Variants in LHFPL3 observed in about 807,000 individuals in gnomAD.
LHFPL3 encodes LHFPL tetraspan subfamily member 3, also known as LHFPL tetraspan subfamily member 3 protein.
Under a neutral mutation model 19.3 loss-of-function variants are expected in LHFPL3, and 5 were observed. The observed-to-expected ratio is 0.26, with a 90% confidence interval of 0.14 to 0.54. The LOEUF is 0.54. LHFPL3 is among the 20% of genes least tolerant of loss of function. The pLI is 0.94. For synonymous variants in LHFPL3, 133 were observed against 126.2 expected (o/e 1.05, Z -0.36); for missense variants, 249 against 307.4 (o/e 0.81, Z 1.42).
chr7:104,710,602 A>C (rs753546501), intron 1 of LHFPL3, among the ~76,000 whole-genome samples: 1 of 152,188 alleles, frequency 6.6e-6, no homozygotes, highest in African/African-American at 2.4e-5. Flanking sequence ...CACCTCAGTT[A>C]CCACCCGTGA....
At chr7:104,435,560 ATT>A (rs35738483) in intron 1 of LHFPL3, among the ~76,000 whole-genome samples, 55 of 143,926 alleles carry the variant, frequency 3.8e-4, no homozygotes, top group South Asian at 8.7e-4. Context: ...TTCTTTCTAG[ATT>A]TTTTTTTTTT....
At chr7:104,361,200 C>T (rs1790385332) in intron 1 of LHFPL3, among the ~76,000 whole-genome samples, 2 of 152,294 alleles carry the variant, frequency 1.3e-5, no homozygotes, top group African/African-American at 2.4e-5. Flanking sequence ...TTGCGGAAAA[C>T]GCTTGCCAAC....
intron 1 of LHFPL3, among the ~76,000 whole-genome samples, chr7:104,448,167 T>C (rs928126876): frequency 1.3e-5 from 2 of 152,184 alleles, no homozygotes; most frequent in Non-Finnish European, 2.9e-5. Flanking sequence ...CAATAGTTAA[T>C]TGGAAGCACA....
chr7:104,380,520 G>A (rs576449645), intron 1 of LHFPL3, among the ~76,000 whole-genome samples: 4 of 152,078 alleles, frequency 2.6e-5, no homozygotes, highest in African/African-American at 9.7e-5. Flanking sequence ...CACCACATCT[G>A]AATACAAATT....
At chr7:104,607,902 A>G (rs187815005) in intron 1 of LHFPL3, among the ~76,000 whole-genome samples, 101 of 152,374 alleles carry the variant, frequency 6.6e-4, no homozygotes, top group Non-Finnish European at 1.3e-3. Flanking sequence ...AAAAATGCTC[A>G]TCATCACTAA....
intron 1 of LHFPL3, among the ~76,000 whole-genome samples, chr7:104,541,083 C>T (rs6465994): frequency 0.36 from 53,516 of 148,956 alleles, 9,801 homozygotes; most frequent in Middle Eastern, 0.46. Flanking sequence ...GCTTATTTTC[C>T]ATATACACAT....
intron 2 of LHFPL3, among the ~76,000 whole-genome samples, chr7:104,905,945 T>A (rs2116740492): frequency 6.6e-6 from 1 of 152,374 alleles, no homozygotes; most frequent in Admixed American, 6.5e-5. Context: ...GCCTCTAATC[T>A]TGACCCAGAT....
intron 1 of LHFPL3, among the ~76,000 whole-genome samples, chr7:104,736,140 G>A (rs1584505175): frequency 6.6e-6 from 1 of 151,876 alleles, no homozygotes; most frequent in Non-Finnish European, 1.5e-5. Context: ...GAAAAGGAAG[G>A]AGAAAAAAAA....
chr7:104,651,840 C>T (rs928097525), intron 1 of LHFPL3, among the ~76,000 whole-genome samples: 5 of 152,196 alleles, frequency 3.3e-5, no homozygotes, highest in Non-Finnish European at 7.3e-5. Flanking sequence ...CTGTCTGAGC[C>T]TCAGTTTCCT....
intron 1 of LHFPL3, among the ~76,000 whole-genome samples, chr7:104,460,205 A>G (rs1296699257): frequency 1.3e-5 from 2 of 152,216 alleles, no homozygotes; most frequent in African/African-American, 2.4e-5. Flanking sequence ...ACTGCATAGT[A>G]TTCCACAGTG....
intron 1 of LHFPL3, among the ~76,000 whole-genome samples, chr7:104,497,170 C>CAAAAA: frequency 7.0e-6 from 1 of 143,232 alleles, no homozygotes; most frequent in Non-Finnish European, 1.5e-5. Context: ...ACTGACAAAA[C>CAAAAA]AAAAAAAAAA....
At chr7:104,429,234 G>A (rs957693620) in intron 1 of LHFPL3, among the ~76,000 whole-genome samples, 10 of 150,162 alleles carry the variant, frequency 6.7e-5, no homozygotes, top group African/African-American at 1.2e-4. Context: ...ATACCAGAGC[G>A]TAGCAATAAT....
chr7:104,599,528 T>C (rs1790924728), intron 1 of LHFPL3, among the ~76,000 whole-genome samples: 1 of 152,196 alleles, frequency 6.6e-6, no homozygotes, highest in African/African-American at 2.4e-5. Context: ...GAAGAACCCA[T>C]CACATGTTTA....
At chr7:104,889,654 G>A (rs1382400187) in intron 2 of LHFPL3, among the ~76,000 whole-genome samples, 2 of 151,814 alleles carry the variant, frequency 1.3e-5, no homozygotes, top group Non-Finnish European at 2.9e-5. Context: ...ACAAAAACAA[G>A]GAAAGTATTG....
intron 2 of LHFPL3, among the ~76,000 whole-genome samples, chr7:104,825,148 T>C (rs998174253): frequency 6.6e-6 from 1 of 150,894 alleles, no homozygotes; most frequent in African/African-American, 2.4e-5. Flanking sequence ...ATAATAATAA[T>C]AAATAAAGAT....
intron 1 of LHFPL3, among the ~76,000 whole-genome samples, chr7:104,453,413 A>G (rs1398753270): frequency 1.3e-5 from 2 of 152,124 alleles, no homozygotes; most frequent in African/African-American, 4.8e-5. Flanking sequence ...AGCCTTCTAC[A>G]GAAAGTGGGA....
chr7:104,593,930 A>C (rs192200677), intron 1 of LHFPL3, among the ~76,000 whole-genome samples: 7 of 152,180 alleles, frequency 4.6e-5, no homozygotes, highest in African/African-American at 1.7e-4. Context: ...TTTTGAGCCT[A>C]TGTGCGTCTT....
At chr7:104,384,602 C>T (rs1487394394) in intron 1 of LHFPL3, among the ~76,000 whole-genome samples, 1 of 151,558 alleles carries the variant, frequency 6.6e-6, no homozygotes, top group East Asian at 1.9e-4. Context: ...GCCTGATCAA[C>T]ATGGAGAAAC....
chr7:104,642,935 AT>A (rs1249517512), intron 1 of LHFPL3, among the ~76,000 whole-genome samples: 1 of 152,122 alleles, frequency 6.6e-6, no homozygotes, highest in Non-Finnish European at 1.5e-5. Context: ...ATACACAGTG[AT>A]TTTTCAGTTT....
Sources: gnomAD v4.1 joint callset for allele counts (sites outside exome capture counted in the v4.1 genomes callset) on GRCh38, gnomAD v4.1.1 for gene constraint, MANE v1.5 for transcripts, NCBI Gene and HGNC (gene_info 2026-07-23, HGNC 2026-07-21) for gene names.